LRP1B: variants seen among roughly 807,000 people sequenced by gnomAD.
LRP1B encodes the protein LDL receptor related protein 1B, also known as low-density lipoprotein receptor-related protein 1B.
In LRP1B, 217 loss-of-function variants were observed where a neutral mutation model predicts 556.6. That is an observed-to-expected ratio of 0.39 (90% CI 0.35 to 0.44). LRP1B has a LOEUF of 0.44. Among genes scored for constraint, LRP1B ranks in the 20% least tolerant of loss-of-function variants. The probability of loss-of-function intolerance (pLI) is 1.00; values close to 1 mark genes in which losing one functional copy is unlikely to be tolerated. For synonymous variants in LRP1B, 2,047 were observed against 1,865.8 expected, an observed-to-expected ratio of 1.10 and a Z score of -2.50; for missense variants, 5,053 against 5,620.8, an observed-to-expected ratio of 0.90 and a Z score of 3.23.
chr2:140,828,567 C>T (rs1345851593), intron 31 of LRP1B, among the ~76,000 whole-genome samples: 1 of 122,370 alleles, frequency 8.2e-6, no homozygotes, highest in South Asian at 2.9e-4. Flanking sequence ...CGAGATCGCG[C>T]CACTGCACTC....
At chr2:140,323,784 A>C (rs1488066913) in intron 81 of LRP1B, 109 bp downstream of exon 81, 1 of 497,008 alleles carries the variant, frequency 2.0e-6, no homozygotes, top group Non-Finnish European at 3.4e-6. Flanking sequence ...TACTTAAGTT[A>C]CTGAGGTTAA....
chr2:140,970,979 G>A (rs1696403257), intron 18 of LRP1B, among the ~76,000 whole-genome samples: 1 of 151,914 alleles, frequency 6.6e-6, no homozygotes, highest in South Asian at 2.1e-4. Context: ...GGGCTCAAGG[G>A]ATCTGCCAGC....
intron 86 of LRP1B, among the ~76,000 whole-genome samples, chr2:140,266,763 C>T (rs1682221404): frequency 6.6e-6 from 1 of 152,040 alleles, no homozygotes; most frequent in South Asian, 2.1e-4. Flanking sequence ...AAGCCTCCCA[C>T]TCTCCCACAG....
At chr2:141,834,144 C>T (rs1697193910) in intron 1 of LRP1B, among the ~76,000 whole-genome samples, 1 of 151,852 alleles carries the variant, frequency 6.6e-6, no homozygotes, top group South Asian at 2.1e-4. Context: ...TGAAGGGCTG[C>T]ATTTGGTATG....
chr2:140,946,175 G>A (rs1695541845), intron 20 of LRP1B, among the ~76,000 whole-genome samples: 1 of 152,112 alleles, frequency 6.6e-6, no homozygotes, highest in African/African-American at 2.4e-5. Context: ...CAATCAGAAT[G>A]GCTATTATTA....
At chr2:141,673,095 C>G (rs1183426234) in intron 2 of LRP1B, among the ~76,000 whole-genome samples, 1 of 152,310 alleles carries the variant, frequency 6.6e-6, no homozygotes, top group East Asian at 1.9e-4. Flanking sequence ...TGGAAGTCTT[C>G]TGCCTTCAAG....
At chr2:140,341,008 A>T (rs755505464) in intron 77 of LRP1B, among the ~76,000 whole-genome samples, 3 of 151,680 alleles carry the variant, frequency 2.0e-5, no homozygotes, top group Non-Finnish European at 4.4e-5. Context: ...AAACACATAG[A>T]AAAGTTAAGA....
chr2:141,874,578 G>A (rs919597714), intron 1 of LRP1B, among the ~76,000 whole-genome samples: 1 of 151,836 alleles, frequency 6.6e-6, no homozygotes, highest in African/African-American at 2.4e-5. Flanking sequence ...TTGAAAAAGA[G>A]AAATAAATGT....
At chr2:141,892,677 A>G (rs1004801133) in intron 1 of LRP1B, among the ~76,000 whole-genome samples, 5 of 152,150 alleles carry the variant, frequency 3.3e-5, no homozygotes, top group African/African-American at 7.2e-5. Flanking sequence ...TATGATACCA[A>G]TTTTACAGAT....
intron 43 of LRP1B, among the ~76,000 whole-genome samples, chr2:140,561,709 C>CA (rs1177054678): frequency 6.6e-6 from 1 of 151,738 alleles, no homozygotes; most frequent in Non-Finnish European, 1.5e-5. Flanking sequence ...CAAATTTCCT[C>CA]AAAAAAATAG....
intron 7 of LRP1B, among the ~76,000 whole-genome samples, chr2:141,170,387 T>G (rs141190425): frequency 1.3e-5 from 2 of 152,218 alleles, no homozygotes; most frequent in African/African-American, 4.8e-5. Context: ...ATACTGGTAC[T>G]TTCTAAAACT....
chr2:140,246,936 T>A, intron 87 of LRP1B, 150 bp downstream of exon 87: 2 of 560,434 alleles, frequency 3.6e-6, no homozygotes, highest in South Asian at 4.3e-5. Flanking sequence ...GAAAGCTCAG[T>A]GCTTCCTCTT....
intron 11 of LRP1B, among the ~76,000 whole-genome samples, chr2:141,045,462 A>G (rs987399769): frequency 7.9e-5 from 12 of 151,510 alleles, no homozygotes; most frequent in Non-Finnish European, 1.5e-4. Flanking sequence ...AAAAAAAAAG[A>G]AAGAGCATCT....
At chr2:140,780,286 AT>A (rs921739849) in intron 32 of LRP1B, among the ~76,000 whole-genome samples, 1 of 152,220 alleles carries the variant, frequency 6.6e-6, no homozygotes, top group African/African-American at 2.4e-5. Flanking sequence ...ATTTATAAAA[AT>A]ATTAAAGGAT....
At chr2:141,600,243 T>C (rs1168516023) in intron 2 of LRP1B, among the ~76,000 whole-genome samples, 1 of 152,164 alleles carries the variant, frequency 6.6e-6, no homozygotes, top group African/African-American at 2.4e-5. Context: ...TGGAGAGCTT[T>C]TTTTAAAAAA....
chr2:141,083,577 G>A (rs1010245673), intron 7 of LRP1B, among the ~76,000 whole-genome samples: 1 of 152,156 alleles, frequency 6.6e-6, no homozygotes, highest in Non-Finnish European at 1.5e-5. Context: ...CCAATGTGGC[G>A]ATGTTAAAAG....
At chr2:140,726,931 T>C (rs1389474662) in intron 35 of LRP1B, among the ~76,000 whole-genome samples, 1 of 152,152 alleles carries the variant, frequency 6.6e-6, no homozygotes, top group Admixed American at 6.6e-5. Flanking sequence ...GGTGCATCTT[T>C]TTCAAATATA....
At chr2:140,334,802 A>G (rs1425039945) in intron 78 of LRP1B, among the ~76,000 whole-genome samples, 1 of 152,074 alleles carries the variant, frequency 6.6e-6, no homozygotes, top group Non-Finnish European at 1.5e-5. Context: ...ATGATGTACT[A>G]CAGCTCATTA....
intron 10 of LRP1B, among the ~76,000 whole-genome samples, chr2:141,050,944 C>CAA (rs57286056): frequency 5.9e-5 from 9 of 151,980 alleles, no homozygotes; most frequent in East Asian, 5.8e-4. Flanking sequence ...AAGAAAAAAC[C>CAA]AAAAACATCA....
Sources: gnomAD v4.1 joint callset for allele counts (sites outside exome capture counted in the v4.1 genomes callset) on GRCh38, gnomAD v4.1.1 for gene constraint, MANE v1.5 for transcripts, NCBI Gene and HGNC (gene_info 2026-07-23, HGNC 2026-07-21) for gene names.